NPC1: variants seen among roughly 807,000 people sequenced by gnomAD.
The protein encoded by NPC1 is NPC intracellular cholesterol transporter 1.
In NPC1, 85 loss-of-function variants were observed where a neutral mutation model predicts 140.4. The observed-to-expected ratio is 0.61, with a 90% CI of 0.51 to 0.72. The LOEUF (loss-of-function observed/expected upper bound fraction) is 0.72. Among genes scored for constraint, NPC1 ranks in the 30% least tolerant of loss-of-function variants. NPC1 has a pLI of 0.00. For missense variants in NPC1, 1,504 were observed against 1,623.8 expected (o/e 0.93, Z 1.27); for synonymous variants, 656 against 624.8 (o/e 1.05, Z -0.74).
intron 3 of NPC1, among the ~76,000 whole-genome samples, chr18:23,571,216 A>T (rs1266936816): frequency 7.7e-6 from 1 of 130,170 alleles, no homozygotes; most frequent in Non-Finnish European, 1.6e-5. Flanking sequence ...TCTTAAAACA[A>T]AACAAAAACT....
intron 14 of NPC1, 92 bp downstream of exon 14, chr18:23,543,363 A>C: frequency 1.4e-6 from 1 of 734,398 alleles, no homozygotes; most frequent in Non-Finnish European, 2.4e-6. Flanking sequence ...AAAAAAAAGG[A>C]AGCAACACAA....
At chr18:23,569,106 T>C (rs1041763998) in intron 3 of NPC1, 108 bp from the exon 4 acceptor site, 2 of 783,810 alleles carry the variant, frequency 2.6e-6, no homozygotes, top group Non-Finnish European at 4.2e-6. Flanking sequence ...AAGTGACAAA[T>C]TACCAAGAGA....
chr18:23,547,923 G>A, intron 11 of NPC1, 83 bp downstream of exon 11: 1 of 862,952 alleles, frequency 1.2e-6, no homozygotes, highest in Non-Finnish European at 2.0e-6. Flanking sequence ...GGTTAATTTA[G>A]AAAATGAAGT....
chr18:23,509,984 CT>C (rs71163612), intron 3 of NPC1, among the ~76,000 whole-genome samples: 51,271 of 121,906 alleles, frequency 0.42, 9,839 homozygotes, highest in Admixed American at 0.5. Context: ...GGATTTTATT[CT>C]TTTTTTTTTT....
chr18:23,565,661 A>G (rs2059113976), intron 4 of NPC1, among the ~76,000 whole-genome samples: 1 of 152,114 alleles, frequency 6.6e-6, no homozygotes, highest in African/African-American at 2.4e-5. Flanking sequence ...GCTGTTCTTT[A>G]AAGTGTTTTG....
At chr18:23,513,520 G>A (rs1367393181) in intron 3 of NPC1, among the ~76,000 whole-genome samples, 1 of 152,208 alleles carries the variant, frequency 6.6e-6, no homozygotes, top group East Asian at 1.9e-4. Context: ...TGCAGATACC[G>A]CTTCAAGATC....
At chr18:23,557,242 T>C (rs1018473412) in intron 6 of NPC1, 52 bp from the exon 7 acceptor site, 2 of 1,409,880 alleles carry the variant, frequency 1.4e-6, no homozygotes, top group South Asian at 1.2e-5. Context: ...CACAGTGAGG[T>C]TGTTTTTGGG....
rs1052722346 is a variant in NPC1 at position 23,573,370 on chromosome 18, C to A, written c.180+82G>T. The stretch of plus-strand genomic sequence containing the variant: ...TGTTAGTCTCATCTCCACCTCCACC[C>A]TGCAATAACATTTAAGGAATAATTA... On this transcript the variant is annotated intron_variant, in intron 2 of 24. Coordinates refer to ENST00000269228, the MANE Select transcript of NPC1 (RefSeq NM_000271.5). 15 of 1,591,680 alleles carry A rather than the reference C, an allele frequency of 9.4e-6. No homozygotes were observed. The African/African-American group carries it at 1.9e-4, about 20-fold the overall frequency.
chr18:23,536,839 G>A lies in NPC1; in HGVS notation c.3079C>T (p.Leu1027Phe). 6.2e-7 allele frequency: 1 copy of A among 1,614,168 alleles called. No individual in the cohort carries two copies. Among genetic ancestry groups the A allele is most frequent in the Non-Finnish European group, 8.5e-7 (1 of 1,180,012 alleles). ...GCTCCGACCCTGGTGCCATGGCCAA[G>A]GAGGATGTTAACTGCAGAACTATAG... Reference protein sequence around the residue: ...AAYSSAVNILLGHGTRVGATY... With the variant: ...AAYSSAVNILFGHGTRVGATY... The change falls in exon 21 of 25, where the codon CTT becomes TTT. Residue 1027 changes from leucine to phenylalanine, a missense_variant. Transcript: ENST00000269228.
At chr18:23,567,187 G>A (rs2059137539) in intron 4 of NPC1, among the ~76,000 whole-genome samples, 1 of 152,142 alleles carries the variant, frequency 6.6e-6, no homozygotes, top group Non-Finnish European at 1.5e-5. Flanking sequence ...ACTCATTTGG[G>A]TAAATACCAA....
Position 23,531,445 on chromosome 18 carries a change from C to G in NPC1, c.*757G>C, listed in dbSNP as rs2058502203. ...CATAAGGACAGGTTAGATAGAATCT[C>G]TTCCATTTAGCTTTTGTATTTGTCT... On this transcript the variant is annotated 3_prime_UTR_variant, in exon 25 of 25. Coordinates refer to ENST00000269228, the MANE Select transcript of NPC1 (RefSeq NM_000271.5). 2 of 1,291,656 alleles carry G rather than the reference C, an allele frequency of 1.5e-6. No individual in the cohort carries two copies. Among genetic ancestry groups the G allele is most frequent in the South Asian group, 3.3e-5 (2 of 59,882 alleles). 80.0% of individuals were successfully genotyped at this position (1,291,656 alleles called of 1,614,324 possible). A position where few individuals can be genotyped will look rare whatever the true frequency, so the allele number is the denominator to read the frequency against.
chr18:23,584,291 G>A (rs527737356), intron 1 of NPC1, among the ~76,000 whole-genome samples: 10 of 152,272 alleles, frequency 6.6e-5, no homozygotes, highest in Admixed American at 1.3e-4. Context: ...TCATCGGTAC[G>A]AATTCTAAAA....
intron 10 of NPC1, among the ~76,000 whole-genome samples, chr18:23,549,898 C>T (rs530271560): frequency 1.1e-4 from 16 of 150,472 alleles, no homozygotes; most frequent in African/African-American, 3.7e-4. Flanking sequence ...CACACCACCA[C>T]GTGTGGCTAA....
At chr18:23,533,003 G>A in intron 24 of NPC1, 1 of 940,164 alleles carries the variant, frequency 1.1e-6, no homozygotes. Context: ...CTGCAGCACT[G>A]CTGGTGTGAG....
At position 23,536,316 on chromosome 18, in the gene NPC1, G is replaced by T. The variant is rs76346500; in HGVS notation, c.3245+357C>A. On this transcript the variant is annotated intron_variant, in intron 21 of 24. Transcript: ENST00000269228. ...ATACAGGCAGCATCCCAAATAACCAGCAGTTAGGGATTCTGGTTCATTGTT... is the reference window on the plus strand; with the variant it reads ...ATACAGGCAGCATCCCAAATAACCATCAGTTAGGGATTCTGGTTCATTGTT... 3.5e-3 allele frequency among the ~76,000 whole-genome samples: 526 copies of T among 152,266 alleles called. 4 individuals carry two copies. Among genetic ancestry groups the T allele is most frequent in the African/African-American group, 0.012 (510 of 41,552 alleles).
rs749810276 is a variant in NPC1, at chr18:23,556,628, G to A, written c.956-15C>T. On this transcript the variant is annotated splice_polypyrimidine_tract_variant and intron_variant, in intron 7 of 24. Transcript: ENST00000269228. ...GGACGCCTCTCCTGGAAGAACGGGAGAGGAAGGGAAGGTGGAGGTTAAGAG... is the reference window on the plus strand; with the variant it reads ...GGACGCCTCTCCTGGAAGAACGGGAAAGGAAGGGAAGGTGGAGGTTAAGAG... 1.1e-5 allele frequency: 18 copies of A among 1,613,658 alleles called. No individual in the cohort carries two copies. Among genetic ancestry groups the A allele is most frequent in the Non-Finnish European group, 1.4e-5 (17 of 1,179,884 alleles).
chr18:23,534,589 T>G, intron 22 of NPC1, 30 bp from the exon 23 acceptor site: 1 of 1,565,134 alleles, frequency 6.4e-7, no homozygotes, highest in Non-Finnish European at 8.8e-7. Flanking sequence ...TTAGGATGGC[T>G]CTCTTCCTGT....
At chr18:23,532,757 A>G (rs1185170559) in intron 24 of NPC1, 1 of 320,052 alleles carries the variant, frequency 3.1e-6, no homozygotes, top group African/African-American at 2.5e-5. Context: ...ACTACTTTCT[A>G]TCCCCCGGAG....
At chr18:23,544,591 A>G in intron 12 of NPC1, 65 bp from the exon 13 acceptor site, 1 of 1,448,646 alleles carries the variant, frequency 6.9e-7, no homozygotes, top group Non-Finnish European at 9.7e-7. Context: ...TTGTTACTAA[A>G]AGGTCCTCCT....
Sources: allele counts gnomAD v4.1 joint callset (sites outside exome capture counted in the v4.1 genomes callset), GRCh38; gene constraint gnomAD v4.1.1; transcripts MANE v1.5; gene names NCBI Gene and HGNC (gene_info 2026-07-23, HGNC 2026-07-21).